GAK: variants seen among roughly 807,000 people sequenced by gnomAD.
The protein encoded by GAK is cyclin-G-associated kinase.
A neutral mutation model predicts 143.9 loss-of-function variants in GAK; 79 were observed. The ratio of observed to expected loss-of-function variants is 0.55; its 90% CI spans 0.46 to 0.66. The LOEUF (loss-of-function observed/expected upper bound fraction) is 0.66, where lower values mean the gene tolerates loss of function less well. Among genes scored for constraint, GAK ranks in the 30% least tolerant of loss-of-function variants. GAK has a pLI of 0.00. For synonymous variants in GAK, 881 were observed against 765.5 expected, an observed-to-expected ratio of 1.15 and a Z score of -2.49; for missense variants, 1,693 against 1,779.7, an observed-to-expected ratio of 0.95 and a Z score of 0.88.
At chr4:930,664 C>G (rs551806695) in intron 1 of GAK, among the ~76,000 whole-genome samples, 6 of 151,992 alleles carry the variant, frequency 3.9e-5, no homozygotes, top group African/African-American at 1.4e-4. Context: ...AGATAACCAC[C>G]TAGTATTTTC....
At chr4:849,833 G>GGGGGGGGGGGGCCCCCC in intron 27 of GAK, 59 bp from the exon 28 acceptor site, 1 of 1,190,154 alleles carries the variant, frequency 8.4e-7, no homozygotes, top group Non-Finnish European at 1.2e-6. Context: ...GGCGGGGCAG[G>GGGGGGGGGGGGCCCCCC]ACCCCCCCCC....
chr4:912,217 C>G lies in GAK; in HGVS notation c.268-430G>C, dbSNP rs188785601. ...GGCAGAGTCTGAGGGCAGCCAGGGC[C>G]GAAGACTCCAGGCTCAGGAGGGACA... is the stretch of plus-strand genomic sequence containing the variant. On this transcript the variant is annotated intron_variant, in intron 3 of 27. Transcript: ENST00000314167. The G allele has an allele frequency of 6.7e-4, 303 of 451,256 alleles. 3 individuals carry two copies. In the East Asian group the frequency reaches 0.018, roughly 27 times the overall value. The allele number at this position is 451,256 out of a possible 1,614,324, so 28.0% of individuals were successfully genotyped here.
At chr4:895,634 G>A (rs952518141) in intron 7 of GAK, among the ~76,000 whole-genome samples, 4 of 152,236 alleles carry the variant, frequency 2.6e-5, no homozygotes, top group Non-Finnish European at 2.9e-5. Context: ...GCCAACTGCC[G>A]CACCTGGTGG....
intron 15 of GAK, among the ~76,000 whole-genome samples, chr4:878,317 G>C (rs1200877088): frequency 2.0e-5 from 3 of 151,382 alleles, no homozygotes; most frequent in Admixed American, 6.6e-5. Flanking sequence ...TTAAACCTGG[G>C]AGGTGGAGAT....
intron 4 of GAK, among the ~76,000 whole-genome samples, chr4:905,058 T>C (rs139951812): frequency 0.015 from 2,286 of 152,260 alleles, 29 homozygotes; most frequent in Admixed American, 0.022. Flanking sequence ...CACAGGAGTG[T>C]GACCTTCTGG....
At chr4:920,446 G>C (rs1376786303) in intron 1 of GAK, among the ~76,000 whole-genome samples, 1 of 151,954 alleles carries the variant, frequency 6.6e-6, no homozygotes, top group Non-Finnish European at 1.5e-5. Context: ...TTGAACTCCT[G>C]GTGGTGAAAA....
At chr4:849,839 CCCCCCG>C (rs1747769012) in intron 27 of GAK, 47 bp downstream of exon 27, 20 of 1,124,978 alleles carry the variant, frequency 1.8e-5, no homozygotes, top group Middle Eastern at 4.3e-4. Flanking sequence ...GCAGGACCCC[CCCCCCG>C]CCCCGCCCCT....
At chr4:906,548 C>G (rs1034388736) in intron 4 of GAK, among the ~76,000 whole-genome samples, 1 of 152,166 alleles carries the variant, frequency 6.6e-6, no homozygotes, top group Non-Finnish European at 1.5e-5. Context: ...CACAGACGTG[C>G]AGACCCAACC....
At chr4:926,929 C>T (rs1285610083) in intron 1 of GAK, among the ~76,000 whole-genome samples, 1 of 70,062 alleles carries the variant, frequency 1.4e-5, no homozygotes, top group African/African-American at 5.4e-5. Context: ...CCTCCCGGCT[C>T]ACCAGCGCTC....
chr4:869,665 C>T (rs1444483185), intron 19 of GAK: 2 of 145,342 alleles, frequency 1.4e-5, no homozygotes, highest in Non-Finnish European at 3.0e-5. Context: ...CACGAATGCA[C>T]ACACAGCACA....
intron 19 of GAK, chr4:869,093 GCACA>G (rs60420477): frequency 8.9e-6 from 2 of 223,680 alleles, no homozygotes; most frequent in South Asian, 5.6e-5. Context: ...TGCACACACA[GCACA>G]CACAGATGCA....
chr4:881,239 C>T (rs1028465007), intron 15 of GAK, among the ~76,000 whole-genome samples: 6 of 152,344 alleles, frequency 3.9e-5, no homozygotes, highest in African/African-American at 1.4e-4. Context: ...CTCCTGGGCC[C>T]TAACCCTTGG....
chr4:877,713 C>A lies in GAK; in HGVS notation c.1758G>T (p.Pro586=), dbSNP rs35964990. Residue 586 remains proline (P), a synonymous_variant, in exon 16 of 28, where the codon CCG becomes CCT. Transcript: ENST00000314167. Reference sequence around the variant, plus strand: ...AGCCGCTCCTCTGCTTGCTGAACAGCGGCACGGGTGTCATGACCACGGCCC... The same window carrying A: ...AGCCGCTCCTCTGCTTGCTGAACAGAGGCACGGGTGTCATGACCACGGCCC... ...LVRAVVMTPV[P]LFSKQRSGCR... is the part of the protein sequence containing the mutation. 5.6e-6 allele frequency: 9 copies of A among 1,613,366 alleles called. No homozygotes were observed. Among genetic ancestry groups the A allele is most frequent in the Non-Finnish European group, 6.8e-6 (8 of 1,179,934 alleles).
chr4:914,504 CCCACACACACACAGCCCCAGCGTGCACGG>C (rs1722697554), intron 1 of GAK, among the ~76,000 whole-genome samples: 2 of 111,308 alleles, frequency 1.8e-5, no homozygotes, highest in Admixed American at 8.7e-5. Flanking sequence ...CGTGCACGGC[CCCACACACACACAGCCCCAGCGTGCACGG>C]CCACACACAC....
At chr4:915,054 AAC>A (rs1243321303) in intron 1 of GAK, among the ~76,000 whole-genome samples, 3 of 75,372 alleles carry the variant, frequency 4.0e-5, no homozygotes, top group Non-Finnish European at 7.5e-5. Flanking sequence ...GCACACGGCC[AAC>A]ACACACAGTC....
At chr4:859,321 C>T (rs982380060) in intron 24 of GAK, 18 of 1,364,200 alleles carry the variant, frequency 1.3e-5, no homozygotes, top group East Asian at 3.8e-5. Flanking sequence ...CCCGCCTCCC[C>T]GATGGCCCCC....
chr4:859,434 G>T (rs746232447), intron 24 of GAK, 172 bp downstream of exon 24: 22 of 1,573,310 alleles, frequency 1.4e-5, no homozygotes, highest in African/African-American at 2.7e-5. Context: ...GTTGGCAGTC[G>T]CCTGGAACAG....
intron 15 of GAK, 28 bp from the exon 16 acceptor site, chr4:877,837 G>A (rs2152798686): frequency 2.6e-6 from 4 of 1,543,250 alleles, no homozygotes; most frequent in South Asian, 1.2e-5. Flanking sequence ...GCGTCACCAC[G>A]TGACGTGCCC....
rs971698506 is a variant in GAK, at chr4:895,602, G to A, written c.741+858C>T. 5.9e-5 allele frequency among the ~76,000 whole-genome samples: 9 copies of A among 152,348 alleles called. No homozygotes were observed. The Middle Eastern group carries it at 0.01, about 173-fold the overall frequency. ...GCTGATGGCACGGCTGACCCGGTCC[G>A]TAGGCAAATACACTACGGAGGGCCA... On this transcript the variant is annotated intron_variant, in intron 7 of 27. Coordinates refer to ENST00000314167, the MANE Select transcript of GAK (RefSeq NM_005255.4).
Sources: allele counts gnomAD v4.1 joint callset (sites outside exome capture counted in the v4.1 genomes callset), GRCh38; gene constraint gnomAD v4.1.1; transcripts MANE v1.5; gene names NCBI Gene and HGNC (gene_info 2026-07-23, HGNC 2026-07-21).